SNX3: variants seen among roughly 807,000 people sequenced by gnomAD.
SNX3 encodes sorting nexin 3, also known as sorting nexin-3.
In SNX3, 5 loss-of-function variants were observed where a neutral mutation model predicts 17.7. That is an observed-to-expected ratio of 0.28 (90% CI 0.15 to 0.59). The LOEUF (loss-of-function observed/expected upper bound fraction) is 0.59, where lower values mean the gene tolerates loss of function less well. Among genes scored for constraint, SNX3 ranks in the 20% least tolerant of loss-of-function variants. The pLI, the probability that SNX3 is intolerant of heterozygous loss-of-function variation, is 0.88. For missense variants in SNX3, 132 were observed against 206.8 expected, an observed-to-expected ratio of 0.64 and a Z score of 2.22; for synonymous variants, 91 against 76.5, an observed-to-expected ratio of 1.19 and a Z score of -0.99.
At chr6:108,221,155 G>T (rs1166960084) in intron 2 of SNX3, among the ~76,000 whole-genome samples, 1 of 152,092 alleles carries the variant, frequency 6.6e-6, no homozygotes. Flanking sequence ...TAAGTTAGAA[G>T]ATACTGCTCT....
At chr6:108,247,557 A>G (rs1046442652) in intron 1 of SNX3, among the ~76,000 whole-genome samples, 1 of 151,760 alleles carries the variant, frequency 6.6e-6, no homozygotes, top group African/African-American at 2.4e-5. Flanking sequence ...AAACAAACAA[A>G]AAAAAACAAC....
intron 2 of SNX3, among the ~76,000 whole-genome samples, chr6:108,220,355 C>G (rs1041136751): frequency 1.1e-4 from 17 of 151,612 alleles, no homozygotes; most frequent in African/African-American, 3.2e-4. Flanking sequence ...TTTAAAAAAT[C>G]TTCCATGCTT....
intron 2 of SNX3, among the ~76,000 whole-genome samples, 154 bp downstream of exon 2, chr6:108,222,796 C>G (rs1440330062): frequency 6.6e-6 from 1 of 152,180 alleles, no homozygotes; most frequent in African/African-American, 2.4e-5. Flanking sequence ...AAAATTTACA[C>G]AGACTCTACC....
intron 1 of SNX3, among the ~76,000 whole-genome samples, chr6:108,242,747 A>C (rs1775557172): frequency 6.6e-6 from 1 of 152,190 alleles, no homozygotes; most frequent in Non-Finnish European, 1.5e-5. Flanking sequence ...CTTTGACTTC[A>C]CCAAGTTTTG....
chr6:108,232,916 A>T (rs75042921), intron 1 of SNX3, among the ~76,000 whole-genome samples: 5,261 of 152,344 alleles, frequency 0.035, 171 homozygotes, highest in South Asian at 0.17. Flanking sequence ...TAAGGCTGAG[A>T]AGAAGTCATT....
intron 1 of SNX3, among the ~76,000 whole-genome samples, chr6:108,225,558 G>A (rs1319750992): frequency 2.0e-5 from 3 of 152,120 alleles, no homozygotes; most frequent in African/African-American, 4.8e-5. Flanking sequence ...TTGAACCCGG[G>A]AGGTGGAGGT....
At chr6:108,259,052 A>T (rs73762186) in intron 1 of SNX3, among the ~76,000 whole-genome samples, 1,586 of 152,276 alleles carry the variant, frequency 0.01, 27 homozygotes, top group African/African-American at 0.037. Flanking sequence ...AAGAAAAAAA[A>T]AGAAAATACT....
chr6:108,222,512 G>C (rs967605039), intron 2 of SNX3, among the ~76,000 whole-genome samples: 2 of 150,868 alleles, frequency 1.3e-5, no homozygotes, highest in Non-Finnish European at 2.9e-5. Context: ...CACAGAGTGA[G>C]GTCATTACTG....
In SNX3 at chr6:108,228,739, T is replaced by G. The variant is rs866893361; in HGVS notation, c.163-5694A>C. Among the ~76,000 whole-genome samples, 3 of 152,064 alleles carry G rather than the reference T, an allele frequency of 2.0e-5. No homozygotes were observed. The East Asian group carries it at 5.8e-4, about 29-fold the overall frequency. On this transcript the variant is annotated intron_variant, in intron 1 of 3. Transcript: ENST00000230085. ...TTTTGGTGAATACATTATCCATTACTCTATTAAATACACATAACTTTTGAA... is the reference window on the plus strand; with the variant it reads ...TTTTGGTGAATACATTATCCATTACGCTATTAAATACACATAACTTTTGAA...
At chr6:108,218,748 G>A (rs1336719534) in intron 2 of SNX3, among the ~76,000 whole-genome samples, 2 of 152,236 alleles carry the variant, frequency 1.3e-5, no homozygotes, top group African/African-American at 2.4e-5. Flanking sequence ...AGTGAAAGAA[G>A]CCAGACACAA....
chr6:108,260,657 C>G, intron 1 of SNX3, 103 bp downstream of exon 1: 1 of 1,360,106 alleles, frequency 7.4e-7, no homozygotes, highest in Non-Finnish European at 1.0e-6. Context: ...GGGCTCCCGG[C>G]CTGGGAGGCT....
At chr6:108,236,303 C>G (rs868365776) in intron 1 of SNX3, among the ~76,000 whole-genome samples, 42 of 150,830 alleles carry the variant, frequency 2.8e-4, no homozygotes, top group Middle Eastern at 6.9e-3. Context: ...GGCCAACAAG[C>G]AAGACCCTGT....
At chr6:108,245,479 G>T (rs1190043391) in intron 1 of SNX3, among the ~76,000 whole-genome samples, 2 of 152,180 alleles carry the variant, frequency 1.3e-5, no homozygotes, top group African/African-American at 4.8e-5. Flanking sequence ...CCAGTAATGG[G>T]ATTGCTGGGT....
chr6:108,242,187 A>C (rs1775541609), intron 1 of SNX3, among the ~76,000 whole-genome samples: 1 of 152,168 alleles, frequency 6.6e-6, no homozygotes, highest in South Asian at 2.1e-4. Context: ...ACAGAGCATC[A>C]GGGACCTGTA....
chr6:108,242,577 T>C (rs1026210289), intron 1 of SNX3, among the ~76,000 whole-genome samples: 5 of 152,156 alleles, frequency 3.3e-5, no homozygotes, highest in Admixed American at 3.3e-4. Context: ...TAGGCTGAAT[T>C]CCAAGATGGT....
Position 108,256,481 on chromosome 6 carries a change from T to C in SNX3, c.162+4279A>G, listed in dbSNP as rs191519668. Among the ~76,000 whole-genome samples the C allele has an allele frequency of 2.7e-4, 41 of 152,372 alleles. No individual in the cohort carries two copies. In the East Asian group the frequency reaches 7.5e-3, roughly 28 times the overall value. ...TGCGTGCTTATTATGTGCCAGGCAC[T>C]GTGCTAGAAAGATTCATGTGCCTTA... On this transcript the variant is annotated intron_variant, in intron 1 of 3. Coordinates refer to ENST00000230085, the MANE Select transcript of SNX3 (RefSeq NM_003795.6).
chr6:108,260,989 C>CGCTGCT lies in SNX3; in HGVS notation c.-74_-69dup, dbSNP rs968493134. On this transcript the variant is annotated 5_prime_UTR_variant, in exon 1 of 4. Transcript: ENST00000230085. The stretch of plus-strand genomic sequence containing the variant: ...CTCCGCGTTCAGCCGCCGCCGCCGC[C>CGCTGCT]GCTGCTGCCCGCCGTGGGGACACGG... The CGCTGCT allele has an allele frequency of 3.2e-5, 41 of 1,285,556 alleles. 1 individual carries two copies. The South Asian group carries it at 6.8e-4, about 21-fold the overall frequency. The allele number at this position is 1,285,556 out of a possible 1,614,324, so 79.6% of individuals were successfully genotyped here. A position where few individuals can be genotyped will look rare whatever the true frequency, so the allele number is the denominator to read the frequency against.
At chr6:108,237,448 G>A (rs1775385249) in intron 1 of SNX3, among the ~76,000 whole-genome samples, 1 of 152,104 alleles carries the variant, frequency 6.6e-6, no homozygotes, top group African/African-American at 2.4e-5. Flanking sequence ...TTAAAATGAT[G>A]TTACTTAGAA....
intron 1 of SNX3, among the ~76,000 whole-genome samples, chr6:108,224,625 C>T (rs1415104029): frequency 1.3e-5 from 2 of 152,164 alleles, no homozygotes; most frequent in African/African-American, 4.8e-5. Flanking sequence ...GTTATGAGGA[C>T]TGGATTAGAT....
Sources: gnomAD v4.1 joint callset for allele counts (sites outside exome capture counted in the v4.1 genomes callset) on GRCh38, gnomAD v4.1.1 for gene constraint, MANE v1.5 for transcripts, NCBI Gene and HGNC (gene_info 2026-07-23, HGNC 2026-07-21) for gene names.